The following FBXO21 variants were observed in gnomAD, a reference collection of about 807,000 sequenced individuals.
The protein encoded by FBXO21 is F-box protein 21.
A neutral mutation model predicts 76.6 loss-of-function variants in FBXO21; 32 were observed. The ratio of observed to expected loss-of-function variants is 0.42; its 90% CI spans 0.32 to 0.56. The LOEUF is 0.56. Ranked by LOEUF, FBXO21 falls within the 20% of genes least tolerant of loss-of-function variation. The probability of loss-of-function intolerance (pLI) is 0.16; values close to 1 mark genes in which losing one functional copy is unlikely to be tolerated. For synonymous variants in FBXO21, 328 were observed against 311.5 expected (o/e 1.05, Z -0.56); for missense variants, 586 against 797.3 (o/e 0.73, Z 3.19).
intron 2 of FBXO21, among the ~76,000 whole-genome samples, chr12:117,186,963 C>T (rs1956289571): frequency 6.6e-6 from 1 of 152,164 alleles, no homozygotes. Context: ...CCCATGTCTA[C>T]TAAAAATACA....
At chr12:117,165,381 G>T in intron 9 of FBXO21, 104 bp downstream of exon 9, 1 of 1,162,580 alleles carries the variant, frequency 8.6e-7, no homozygotes, top group Non-Finnish European at 1.2e-6. Context: ...ATAAATTTGT[G>T]TTTATTCCCC....
In FBXO21 at chr12:117,145,051, T is replaced by TC. The variant is rs1047688632; in HGVS notation, c.*1035_*1036insG. ...AATAACAAGAGGTGTGAAACCACTT[T>TC]TTTTCCCTTCAAAACCTTTTTTTTT... On this transcript the variant is annotated 3_prime_UTR_variant, in exon 12 of 12. Transcript: ENST00000622495. 2.0e-5 allele frequency: 3 copies of TC among 148,590 alleles called. No homozygotes were observed. Among genetic ancestry groups the TC allele is most frequent in the African/African-American group, 7.4e-5 (3 of 40,558 alleles). 9.2% of individuals were successfully genotyped at this position (148,590 alleles called of 1,614,324 possible).
chr12:117,173,919 G>A (rs973989712), intron 6 of FBXO21, among the ~76,000 whole-genome samples: 2 of 152,148 alleles, frequency 1.3e-5, no homozygotes. Flanking sequence ...CAAGGCAGGA[G>A]GATCACTTGA....
At chr12:117,168,735 T>C (rs1186267145) in intron 7 of FBXO21, among the ~76,000 whole-genome samples, 1 of 152,144 alleles carries the variant, frequency 6.6e-6, no homozygotes, top group African/African-American at 2.4e-5. Flanking sequence ...GTAAATCAAA[T>C]GCAGCAATGT....
At chr12:117,166,829 C>T in intron 8 of FBXO21, 69 bp downstream of exon 8, 2 of 1,416,448 alleles carry the variant, frequency 1.4e-6, no homozygotes, top group Non-Finnish European at 9.9e-7. Context: ...CTTGGCACAT[C>T]TCAAACACAA....
At chr12:117,175,441 A>G (rs1237748657) in intron 4 of FBXO21, among the ~76,000 whole-genome samples, 1 of 152,226 alleles carries the variant, frequency 6.6e-6, no homozygotes, top group East Asian at 1.9e-4. Context: ...GCAGAGACTG[A>G]AGGGCTAACA....
At chr12:117,171,779 T>G (rs144323259) in intron 7 of FBXO21, among the ~76,000 whole-genome samples, 89 of 152,358 alleles carry the variant, frequency 5.8e-4, no homozygotes, top group Non-Finnish European at 1.1e-3. Flanking sequence ...AATAACTTTT[T>G]TCTTTTTCCC....
At chr12:117,152,380 C>G (rs1462938080) in intron 11 of FBXO21, among the ~76,000 whole-genome samples, 1 of 151,414 alleles carries the variant, frequency 6.6e-6, no homozygotes, top group Non-Finnish European at 1.5e-5. Context: ...ATAGGAGGAT[C>G]AATTGAGCCC....
chr12:117,185,766 T>C (rs982222095), intron 3 of FBXO21, among the ~76,000 whole-genome samples: 3 of 152,230 alleles, frequency 2.0e-5, no homozygotes, highest in Admixed American at 1.3e-4. Flanking sequence ...AATTAAGACA[T>C]GCCTAAGAAA....
intron 9 of FBXO21, among the ~76,000 whole-genome samples, chr12:117,161,855 G>C (rs1328494698): frequency 6.6e-6 from 1 of 152,232 alleles, no homozygotes; most frequent in East Asian, 1.9e-4. Flanking sequence ...AGAGACCACA[G>C]AGCAAAAGTA....
In FBXO21 at chr12:117,143,900, C is replaced by T. The variant is rs1258517797; in HGVS notation, c.*2187G>A. 2.0e-5 allele frequency: 3 copies of T among 152,558 alleles called. No individual in the cohort carries two copies. Among genetic ancestry groups the T allele is most frequent in the Admixed American group, 6.5e-5 (1 of 15,278 alleles). 9.5% of individuals were successfully genotyped at this position (152,558 alleles called of 1,614,324 possible). A position where few individuals can be genotyped will look rare whatever the true frequency, so the allele number is the denominator to read the frequency against. On this transcript the variant is annotated 3_prime_UTR_variant, in exon 12 of 12. Coordinates refer to ENST00000622495, the MANE Select transcript of FBXO21 (RefSeq NM_015002.3). ...ACATTTTAACATTGTGAAAGTTCAA[C>T]GTTTATAACAGGGCTTTTTAAAATG...
chr12:117,173,446 A>T (rs749204618), intron 6 of FBXO21, among the ~76,000 whole-genome samples: 6 of 152,230 alleles, frequency 3.9e-5, no homozygotes, highest in Non-Finnish European at 8.8e-5. Flanking sequence ...TGTGTACGAT[A>T]TAACAAAATA....
intron 2 of FBXO21, 62 bp from the exon 3 acceptor site, chr12:117,186,633 A>C: frequency 2.8e-6 from 3 of 1,073,102 alleles, no homozygotes; most frequent in Non-Finnish European, 4.2e-6. Context: ...TCTCACTCTC[A>C]CAAATTTGAG....
intron 8 of FBXO21, among the ~76,000 whole-genome samples, chr12:117,166,619 A>C (rs1267303879): frequency 6.6e-6 from 1 of 152,248 alleles, no homozygotes; most frequent in African/African-American, 2.4e-5. Context: ...CTTAGAAACA[A>C]GACAGTTTCA....
intron 3 of FBXO21, among the ~76,000 whole-genome samples, chr12:117,178,507 G>A (rs1489235393): frequency 1.3e-5 from 2 of 151,816 alleles, no homozygotes; most frequent in Admixed American, 6.6e-5. Flanking sequence ...TTCCCACCTC[G>A]CTCCAAGAAA....
At chr12:117,155,741 C>G (rs116529616) in intron 11 of FBXO21, 50 bp downstream of exon 11, 1 of 1,570,616 alleles carries the variant, frequency 6.4e-7, no homozygotes, top group Non-Finnish European at 8.6e-7. Flanking sequence ...CAAACGTGCG[C>G]TGAAAACACG....
intron 11 of FBXO21, among the ~76,000 whole-genome samples, chr12:117,150,872 T>TGTGTGC (rs1491276284): frequency 0.02 from 754 of 37,214 alleles, 8 homozygotes; most frequent in African/African-American, 0.14. Flanking sequence ...GGCCATGGAC[T>TGTGTGC]GTGTGTGTGT....
chr12:117,175,151 C>G (rs930951548), intron 4 of FBXO21, among the ~76,000 whole-genome samples: 1 of 152,106 alleles, frequency 6.6e-6, no homozygotes, highest in South Asian at 2.1e-4. Flanking sequence ...GTTATAGGTT[C>G]CAAATCCAAC....
rs1251450446 is a variant in FBXO21, at chr12:117,143,351, TTAACCTA to T, written c.*2729_*2735del. On this transcript the variant is annotated 3_prime_UTR_variant, in exon 12 of 12. Coordinates refer to ENST00000622495, the MANE Select transcript of FBXO21 (RefSeq NM_015002.3). The stretch of plus-strand genomic sequence containing the variant: ...CCACCATAGAGTCAATTGACTTTGT[TTAACCTA>T]TAACCTTTTTTCCTCCCACATAGTA... 6.6e-6 allele frequency: 1 copy of T among 152,166 alleles called. No individual in the cohort carries two copies. The highest frequency in any genetic ancestry group is 1.5e-5 in the Non-Finnish European group (1 of 68,050). The allele number at this position is 152,166 out of a possible 1,614,324, so 9.4% of individuals were successfully genotyped here.
Sources: gnomAD v4.1 joint callset for allele counts (sites outside exome capture counted in the v4.1 genomes callset) on GRCh38, gnomAD v4.1.1 for gene constraint, MANE v1.5 for transcripts, NCBI Gene and HGNC (gene_info 2026-07-23, HGNC 2026-07-21) for gene names.